The following CYTL1 variants were observed in gnomAD, a reference collection of about 807,000 sequenced individuals.
The protein encoded by CYTL1 is cytokine-like protein 1.
Under a neutral mutation model 13.1 loss-of-function variants are expected in CYTL1, and 17 were observed. The ratio of observed to expected loss-of-function variants is 1.29; its 90% CI spans 0.89 to 1.94. The LOEUF (loss-of-function observed/expected upper bound fraction) is 1.94. Among genes scored for constraint, CYTL1 ranks in the 30% most tolerant of loss-of-function variants. The pLI is 0.00. For missense variants in CYTL1, 213 were observed against 174.8 expected, an observed-to-expected ratio of 1.22 and a Z score of -1.23; for synonymous variants, 91 against 79.4, an observed-to-expected ratio of 1.15 and a Z score of -0.78.
At position 5,017,140 on chromosome 4, in the gene CYTL1, T is replaced by G; in HGVS notation, c.193A>C (p.Ile65Leu). ...VRYLPRLYLD[I>L]HNYCVLDKLR... Reference sequence around the variant, plus strand: ...CCCAGGGAGAACCCTCTTACGTGTATGTCCAGGTACAGCCTGGGCAGGTAT... The same window carrying G: ...CCCAGGGAGAACCCTCTTACGTGTAGGTCCAGGTACAGCCTGGGCAGGTAT... Residue 65 changes from isoleucine to leucine, a missense_variant, in exon 2 of 4, where the codon ATA becomes CTA. Coordinates refer to ENST00000307746, the MANE Select transcript of CYTL1 (RefSeq NM_018659.3). 6.2e-7 allele frequency: 1 copy of G among 1,613,988 alleles called. No homozygotes were observed. The highest frequency in any genetic ancestry group is 8.5e-7 in the Non-Finnish European group (1 of 1,179,936).
chr4:5,015,968 T>C (rs143911269), intron 3 of CYTL1, among the ~76,000 whole-genome samples: 197 of 152,278 alleles, frequency 1.3e-3, no homozygotes, highest in Non-Finnish European at 2.2e-3. Context: ...GACACTGCTG[T>C]GATTTGAATG....
At chr4:5,018,207 C>G (rs1290586659) in intron 1 of CYTL1, among the ~76,000 whole-genome samples, 1 of 151,948 alleles carries the variant, frequency 6.6e-6, no homozygotes, top group Non-Finnish European at 1.5e-5. Flanking sequence ...TGTTTACACA[C>G]ACACACACAC....
intron 3 of CYTL1, among the ~76,000 whole-genome samples, chr4:5,015,500 A>G (rs1194000675): frequency 5.7e-5 from 2 of 34,846 alleles, no homozygotes; most frequent in African/African-American, 9.6e-5. Flanking sequence ...CTAGATGGAT[A>G]GATGACTATG....
chr4:5,019,013 T>TC (rs749172654), intron 1 of CYTL1, among the ~76,000 whole-genome samples: 30 of 139,708 alleles, frequency 2.1e-4, no homozygotes, highest in Non-Finnish European at 3.2e-5. Context: ...CTTTTTTTTT[T>TC]TTTTTTTTTT....
At chr4:5,015,256 C>G (rs772365669) in intron 3 of CYTL1, 22 bp from the exon 4 acceptor site, 1 of 1,600,308 alleles carries the variant, frequency 6.2e-7, no homozygotes. Flanking sequence ...GTGCAATGAG[C>G]AGGAAAGTTA....
At chr4:5,016,288 T>C (rs1436846877) in intron 3 of CYTL1, among the ~76,000 whole-genome samples, 2 of 152,152 alleles carry the variant, frequency 1.3e-5, no homozygotes, top group Non-Finnish European at 2.9e-5. Flanking sequence ...ACAAACATCT[T>C]TTTTTAAAAA....
At chr4:5,017,040 T>G in intron 2 of CYTL1, 76 bp from the exon 3 acceptor site, 1 of 1,608,100 alleles carries the variant, frequency 6.2e-7, no homozygotes, top group Non-Finnish European at 8.5e-7. Context: ...CTGCATAAGA[T>G]CTCTCCCTGA....
intron 1 of CYTL1, 106 bp from the exon 2 acceptor site, chr4:5,017,285 G>T: frequency 9.5e-7 from 1 of 1,054,662 alleles, no homozygotes; most frequent in Non-Finnish European, 1.4e-6. Flanking sequence ...GATCCCTGGG[G>T]CCCTCCCTGA....
chr4:5,016,324 T>G (rs1024573410), intron 3 of CYTL1, among the ~76,000 whole-genome samples: 1 of 152,190 alleles, frequency 6.6e-6, no homozygotes, highest in Non-Finnish European at 1.5e-5. Flanking sequence ...TGTGGTGTTA[T>G]GTTATAGCAG....
At chr4:5,018,835 G>A (rs1303008110) in intron 1 of CYTL1, among the ~76,000 whole-genome samples, 1 of 152,136 alleles carries the variant, frequency 6.6e-6, no homozygotes, top group Non-Finnish European at 1.5e-5. Context: ...ATTTGCCCGG[G>A]TCCCTCAGCA....
intron 1 of CYTL1, 116 bp downstream of exon 1, chr4:5,019,177 A>G: frequency 1.0e-6 from 1 of 954,200 alleles, no homozygotes; most frequent in Non-Finnish European, 1.4e-6. Flanking sequence ...ATTTACATTT[A>G]CTAGAAAAGA....
intron 1 of CYTL1, among the ~76,000 whole-genome samples, chr4:5,018,445 A>G (rs1741125320): frequency 6.6e-6 from 1 of 152,248 alleles, no homozygotes; most frequent in Non-Finnish European, 1.5e-5. Context: ...GGTGTTAGCT[A>G]GGCTTTTGTA....
Position 5,017,153 on chromosome 4 carries a change from C to T in CYTL1, c.180G>A (p.Arg60=). The T allele has an allele frequency of 6.2e-7, 1 of 1,613,990 alleles. No homozygotes were observed. The highest frequency in any genetic ancestry group is 8.5e-7 in the Non-Finnish European group (1 of 1,179,934). ...CTCTTACGTGTATGTCCAGGTACAG[C>T]CTGGGCAGGTATCTCACACATGGCT... is the stretch of plus-strand genomic sequence containing the variant. ...PSEPCVRYLP[R]LYLDIHNYCV... is the part of the protein sequence containing the mutation. The change falls in exon 2 of 4, where the codon AGG becomes AGA. Residue 60 remains arginine, a synonymous_variant. Transcript: ENST00000307746.
intron 3 of CYTL1, among the ~76,000 whole-genome samples, chr4:5,016,601 G>T (rs75307714): frequency 6.6e-6 from 1 of 152,238 alleles, no homozygotes; most frequent in East Asian, 1.9e-4. Context: ...GTGTGGTCCT[G>T]GGGTGTAGCC....
At chr4:5,017,658 G>T (rs1032633341) in intron 1 of CYTL1, among the ~76,000 whole-genome samples, 1 of 150,224 alleles carries the variant, frequency 6.7e-6, no homozygotes, top group Non-Finnish European at 1.5e-5. Context: ...AAGTATATTA[G>T]CTATATAACA....
At chr4:5,018,423 A>C (rs982106231) in intron 1 of CYTL1, among the ~76,000 whole-genome samples, 1 of 152,276 alleles carries the variant, frequency 6.6e-6, no homozygotes, top group Admixed American at 6.5e-5. Flanking sequence ...TTTAAAAAGA[A>C]AATACCAAGA....
At chr4:5,015,259 G>A (rs1741048932) in intron 3 of CYTL1, 25 bp from the exon 4 acceptor site, 4 of 1,589,172 alleles carry the variant, frequency 2.5e-6, no homozygotes, top group Non-Finnish European at 1.7e-6. Flanking sequence ...CAATGAGCAG[G>A]AAAGTTACTG....
intron 3 of CYTL1, among the ~76,000 whole-genome samples, chr4:5,016,317 G>T (rs956010230): frequency 1.3e-5 from 2 of 152,122 alleles, no homozygotes; most frequent in African/African-American, 4.8e-5. Flanking sequence ...CCCAGTCTGT[G>T]GTGTTATGTT....
At chr4:5,019,010 T>C (rs558838918) in intron 1 of CYTL1, among the ~76,000 whole-genome samples, 64 of 139,020 alleles carry the variant, frequency 4.6e-4, no homozygotes, top group African/African-American at 1.1e-3. Flanking sequence ...TTTCTTTTTT[T>C]TTTTTTTTTT....
Sources: allele counts gnomAD v4.1 joint callset (sites outside exome capture counted in the v4.1 genomes callset), GRCh38; gene constraint gnomAD v4.1.1; transcripts MANE v1.5; gene names NCBI Gene and HGNC (gene_info 2026-07-23, HGNC 2026-07-21).